Variants in POLK observed in about 807,000 individuals in gnomAD.
The protein encoded by POLK is polymerase (DNA directed) kappa.
In POLK, 76 loss-of-function variants were observed where a neutral mutation model predicts 94.0. That is an observed-to-expected ratio of 0.81 (90% confidence interval 0.67 to 0.98). POLK has a LOEUF of 0.98. POLK is among the 50% of genes least tolerant of loss of function. The pLI is 0.00. For missense variants in POLK, 954 were observed against 1,010.1 expected (o/e 0.94, Z 0.75); for synonymous variants, 349 against 325.4 (o/e 1.07, Z -0.78).
chr5:75,522,325 C>T (rs1195225530), intron 1 of POLK, among the ~76,000 whole-genome samples: 2 of 152,154 alleles, frequency 1.3e-5, no homozygotes, highest in African/African-American at 2.4e-5. Context: ...GAGTCTTTTT[C>T]ACTTTTTTGT....
chr5:75,597,175 A>C (rs143919595), exon 13 of POLK: 1 of 1,457,362 alleles, frequency 6.9e-7, no homozygotes, highest in Non-Finnish European at 9.6e-7. Flanking sequence ...CTCCAGAAGT[A>C]CTGGTAAGTG....
intron 1 of POLK, among the ~76,000 whole-genome samples, chr5:75,540,646 A>C (rs1769689846): frequency 6.6e-6 from 1 of 152,328 alleles, no homozygotes; most frequent in East Asian, 1.9e-4. Context: ...AGCTTAAAAA[A>C]TACAGTACCA....
At chr5:75,585,978 T>C (rs937208226) in intron 9 of POLK, among the ~76,000 whole-genome samples, 1 of 152,218 alleles carries the variant, frequency 6.6e-6, no homozygotes, top group Non-Finnish European at 1.5e-5. Flanking sequence ...GTTAGCTGAC[T>C]TTGATCTTCA....
intron 13 of POLK, 93 bp from the exon 14 acceptor site, chr5:75,597,654 A>T (rs2112902530): frequency 1.5e-6 from 1 of 654,382 alleles, no homozygotes; most frequent in East Asian, 3.2e-5. Flanking sequence ...AGGAAGTTTA[A>T]TCAATAAGTT....
chr5:75,512,635 T>C (rs1470538512), intron 1 of POLK: 1 of 152,228 alleles, frequency 6.6e-6, no homozygotes, highest in Admixed American at 6.5e-5. Flanking sequence ...CAATAGAAGA[T>C]CTAACAACTC....
intron 4 of POLK, among the ~76,000 whole-genome samples, chr5:75,570,464 T>A (rs556458265): frequency 1.3e-5 from 2 of 152,288 alleles, no homozygotes; most frequent in South Asian, 4.1e-4. Context: ...AGTTCAATAA[T>A]TAAGTGATCT....
At chr5:75,592,181 C>G (rs1435356041) in intron 11 of POLK, among the ~76,000 whole-genome samples, 2 of 152,130 alleles carry the variant, frequency 1.3e-5, no homozygotes, top group East Asian at 3.9e-4. Flanking sequence ...CCACTGAAAC[C>G]CTGCACTCAT....
the POLK span, chr5:75,609,085 A>G: frequency 6.6e-6 from 1 of 152,194 alleles, no homozygotes; most frequent in Non-Finnish European, 1.5e-5. Context: ...CTGTTAGAGT[A>G]AGATAAGTAC....
chr5:75,601,893 T>C (rs546423754), downstream of POLK, among the ~76,000 whole-genome samples: 1 of 152,284 alleles, frequency 6.6e-6, no homozygotes, highest in East Asian at 1.9e-4. Context: ...ATTAGTTCTG[T>C]CCCTCTAGAG....
chr5:75,554,456 T>TA (rs1208037149), intron 3 of POLK, among the ~76,000 whole-genome samples: 3 of 152,010 alleles, frequency 2.0e-5, no homozygotes, highest in South Asian at 2.1e-4. Context: ...GTGACTTTTT[T>TA]AAAAAAAGAT....
At chr5:75,511,141 G>A (rs1272292424), upstream of POLK, 1 of 1,606,026 alleles carries the variant, frequency 6.2e-7, no homozygotes, top group Non-Finnish European at 8.5e-7. Context: ...CGCTCCACAG[G>A]CGGCCCAGAC....
chr5:75,597,962 T>C, exon 15 of POLK: 1 of 1,506,634 alleles, frequency 6.6e-7, no homozygotes, highest in African/African-American at 1.4e-5. Context: ...GTACTCAACA[T>C]CAAAGAAAAT....
chr5:75,524,777 A>G (rs1370584534), intron 1 of POLK, among the ~76,000 whole-genome samples: 1 of 152,220 alleles, frequency 6.6e-6, no homozygotes, highest in African/African-American at 2.4e-5. Context: ...CTAATGTTCC[A>G]GTACAAAACC....
At chr5:75,574,370 GTAAT>G (rs1771754527) in intron 5 of POLK, among the ~76,000 whole-genome samples, 2 of 152,242 alleles carry the variant, frequency 1.3e-5, no homozygotes, top group South Asian at 4.1e-4. Context: ...TGAAAAGGGA[GTAAT>G]CCATTGCTTC....
chr5:75,525,938 T>A (rs1332307311), intron 1 of POLK, among the ~76,000 whole-genome samples: 1 of 152,204 alleles, frequency 6.6e-6, no homozygotes. Flanking sequence ...GTGAATTATA[T>A]AAATTCTCTA....
chr5:75,557,405 T>C (rs1770691913), intron 3 of POLK, among the ~76,000 whole-genome samples: 1 of 152,192 alleles, frequency 6.6e-6, no homozygotes, highest in African/African-American at 2.4e-5. Context: ...ATTGAGTGTA[T>C]AGATGAAGTT....
At position 75,552,197 on chromosome 5, in the gene POLK, A is replaced by G. The variant is rs1317975603; in HGVS notation, c.136-275A>G. On this transcript the variant is annotated intron_variant, in intron 2 of 14. Coordinates refer to ENST00000241436, the Ensembl canonical transcript of POLK. Reference sequence around the variant, plus strand: ...ACATACTGTTCTTTTCTGAATGCAAACCTGTATTCATCTCAGAGAGCTTGT... The same window carrying G: ...ACATACTGTTCTTTTCTGAATGCAAGCCTGTATTCATCTCAGAGAGCTTGT... Among the ~76,000 whole-genome samples, 3 of 152,278 alleles carry G rather than the reference A, an allele frequency of 2.0e-5. No individual in the cohort carries two copies. The East Asian group carries it at 5.8e-4, about 29-fold the overall frequency.
At chr5:75,597,996 C>A in exon 15 of POLK, 4 of 1,384,496 alleles carry the variant, frequency 2.9e-6, no homozygotes, top group Non-Finnish European at 4.0e-6. Context: ...CCCAAACATA[C>A]CCTTGATATA....
Position 75,552,608 on chromosome 5 carries a change from T to A in POLK, c.255+17T>A. The A allele has an allele frequency of 6.3e-7, 1 of 1,587,540 alleles. No individual in the cohort carries two copies. The highest frequency in any genetic ancestry group is 1.1e-5 in the South Asian group (1 of 87,328). ...CAATTACAGGTATTAATTAAATTGTTAAATAAAGTGGAAGCTGGTAGAATA... is the reference window on the plus strand; with the variant it reads ...CAATTACAGGTATTAATTAAATTGTAAAATAAAGTGGAAGCTGGTAGAATA... On this transcript the variant is annotated intron_variant, in intron 3 of 14. Coordinates refer to ENST00000241436, the Ensembl canonical transcript of POLK.
Sources: gnomAD v4.1 joint callset for allele counts (sites outside exome capture counted in the v4.1 genomes callset) on GRCh38, gnomAD v4.1.1 for gene constraint, MANE v1.5 for transcripts, NCBI Gene and HGNC (gene_info 2026-07-23, HGNC 2026-07-21) for gene names.